Variants in LRP5 observed in about 807,000 individuals in gnomAD.
LRP5 encodes the protein low-density lipoprotein receptor-related protein 5.
Under a neutral mutation model 154.1 loss-of-function variants are expected in LRP5, and 62 were observed. The ratio of observed to expected loss-of-function variants is 0.40; its 90% CI spans 0.33 to 0.50. The LOEUF (loss-of-function observed/expected upper bound fraction) is 0.50, where lower values mean the gene tolerates loss of function less well. LRP5 is among the 20% of genes least tolerant of loss of function. The pLI is 0.55. For missense variants in LRP5, 1,915 were observed against 2,336.7 expected, an observed-to-expected ratio of 0.82 and a Z score of 3.72; for synonymous variants, 966 against 1,011.5, an observed-to-expected ratio of 0.96 and a Z score of 0.85.
At chr11:68,446,314 G>C in intron 21 of LRP5, 122 bp from the exon 22 acceptor site, 1 of 755,938 alleles carries the variant, frequency 1.3e-6, no homozygotes, top group South Asian at 1.4e-5. Context: ...CCAGAGGAAG[G>C]GGTCCTGGGA....
intron 20 of LRP5, among the ~76,000 whole-genome samples, chr11:68,438,939 A>G (rs996913769): frequency 6.6e-6 from 1 of 152,200 alleles, no homozygotes; most frequent in Admixed American, 6.5e-5. Context: ...CTTGACCTTC[A>G]TATTCTAGTA....
intron 5 of LRP5, among the ~76,000 whole-genome samples, chr11:68,374,766 C>T (rs2098636402): frequency 6.6e-6 from 1 of 152,160 alleles, no homozygotes; most frequent in African/African-American, 2.4e-5. Flanking sequence ...AATGGAACCA[C>T]GCAGCTGTGC....
Position 68,406,808 on chromosome 11 carries a change from C to G in LRP5, c.2086C>G (p.Leu696Val), listed in dbSNP as rs541165691. 18 of 1,613,808 alleles carry G rather than the reference C, an allele frequency of 1.1e-5. No homozygotes were observed. The South Asian group carries it at 2.0e-4, about 18-fold the overall frequency. ...NNHIYWTDVSLKTISRAFMNG... is the reference protein window; with the variant it reads ...NNHIYWTDVSVKTISRAFMNG... ...CCACATCTACTGGACAGACGTCAGC[C>G]TGAAGGTAGCGTGGGCCAGAACGTG... is the stretch of plus-strand genomic sequence containing the variant. Residue 696 changes from leucine (L) to valine (V), a missense_variant, in exon 9 of 23, where the codon CTG becomes GTG. Leu to Val is a conservative substitution (Grantham distance 32). This residue lies in a region of LRP5 where 773 missense variants were observed against 1,100.9 expected (regional missense o/e 0.70). Transcript: ENST00000294304.
At chr11:68,408,874 C>T (rs1035492480) in intron 9 of LRP5, among the ~76,000 whole-genome samples, 1 of 150,530 alleles carries the variant, frequency 6.6e-6, no homozygotes, top group African/African-American at 2.5e-5. Context: ...ATAGTGAGAC[C>T]CCATCTCTAC....
At chr11:68,397,972 T>TTGTTTGTGTGTGTGTGTG (rs2098650399) in intron 7 of LRP5, among the ~76,000 whole-genome samples, 4 of 142,092 alleles carry the variant, frequency 2.8e-5, no homozygotes, top group Non-Finnish European at 6.1e-5. Flanking sequence ...CTGTGTGTGT[T>TTGTTTGTGTGTGTGTGTG]TGTGTGTGTG....
intron 14 of LRP5, among the ~76,000 whole-genome samples, chr11:68,424,376 G>A (rs2098667506): frequency 6.6e-6 from 1 of 152,184 alleles, no homozygotes; most frequent in Admixed American, 6.5e-5. Flanking sequence ...ACCTTGGGCG[G>A]GTGGCATAGC....
At chr11:68,400,560 A>AAAT (rs2098652069) in intron 7 of LRP5, among the ~76,000 whole-genome samples, 5 of 147,898 alleles carry the variant, frequency 3.4e-5, no homozygotes, top group Non-Finnish European at 7.5e-5. Context: ...GTCTCTACTA[A>AAAT]AAATAAATAA....
At position 68,318,630 on chromosome 11, in the gene LRP5, C is replaced by T. The variant is rs150411830; in HGVS notation, c.91+5825C>T. ...CTGGGATTACAGACATGAGCCACTG[C>T]GCTGGGCCTTAATGTAGTTTTTCTT... On this transcript the variant is annotated intron_variant, in intron 1 of 22. Transcript: ENST00000294304. Among the ~76,000 whole-genome samples, 10 of 152,202 alleles carry T rather than the reference C, an allele frequency of 6.6e-5. 1 individual carries two copies. The South Asian group carries it at 8.3e-4, about 13-fold the overall frequency.
At chr11:68,325,603 C>T (rs1254351302) in intron 1 of LRP5, among the ~76,000 whole-genome samples, 1 of 152,198 alleles carries the variant, frequency 6.6e-6, no homozygotes, top group Non-Finnish European at 1.5e-5. Flanking sequence ...CTTCCCCTAC[C>T]CCGAGGTTTG....
chr11:68,388,780 G>C (rs2098644428), intron 6 of LRP5, among the ~76,000 whole-genome samples: 1 of 152,116 alleles, frequency 6.6e-6, no homozygotes, highest in South Asian at 2.1e-4. Flanking sequence ...TGAGCTCTTG[G>C]CCCCTGAGAG....
intron 13 of LRP5, among the ~76,000 whole-genome samples, chr11:68,420,911 A>G (rs1276513147): frequency 1.3e-5 from 2 of 152,020 alleles, no homozygotes; most frequent in Non-Finnish European, 2.9e-5. Flanking sequence ...CACTAACCAT[A>G]AGTATTTGTA....
intron 1 of LRP5, among the ~76,000 whole-genome samples, chr11:68,327,509 AC>A (rs145721734): frequency 0.022 from 3,296 of 152,272 alleles, 101 homozygotes; most frequent in African/African-American, 0.074. Context: ...CAGCATGAAA[AC>A]AATTTAACTC....
At chr11:68,309,566 G>T (rs1014407184), upstream of LRP5, among the ~76,000 whole-genome samples, 1 of 146,700 alleles carries the variant, frequency 6.8e-6, no homozygotes, top group African/African-American at 2.6e-5. Context: ...GTCTCTGGTG[G>T]CCCCTTCATA....
intron 7 of LRP5, among the ~76,000 whole-genome samples, chr11:68,401,642 G>A (rs987983912): frequency 4.6e-5 from 7 of 152,264 alleles, no homozygotes; most frequent in Admixed American, 2.0e-4. Flanking sequence ...GAGCTGAGGC[G>A]GGGCCTGGCT....
intron 5 of LRP5, among the ~76,000 whole-genome samples, chr11:68,371,845 G>A (rs770640125): frequency 1.3e-5 from 2 of 152,254 alleles, no homozygotes; most frequent in Non-Finnish European, 2.9e-5. Flanking sequence ...AGAAGGAGCG[G>A]TGCCCATGGA....
intron 2 of LRP5, among the ~76,000 whole-genome samples, chr11:68,354,945 C>A (rs1247389392): frequency 6.6e-6 from 1 of 152,202 alleles, no homozygotes; most frequent in Non-Finnish European, 1.5e-5. Flanking sequence ...GGAGCAGGGG[C>A]TTGGTGATAG....
intron 15 of LRP5, among the ~76,000 whole-genome samples, chr11:68,425,508 C>T (rs547842892): frequency 2.0e-5 from 3 of 152,316 alleles, no homozygotes; most frequent in East Asian, 1.9e-4. Context: ...AGAGGGTGAG[C>T]GAGCTGCTTG....
At chr11:68,414,279 CAG>C in intron 12 of LRP5, among the ~76,000 whole-genome samples, 1 of 152,192 alleles carries the variant, frequency 6.6e-6, no homozygotes, top group African/African-American at 2.4e-5. Context: ...AAACCAGTCA[CAG>C]GGGAAGGGTG....
chr11:68,400,608 C>T (rs1379538472), intron 7 of LRP5, among the ~76,000 whole-genome samples: 2 of 151,952 alleles, frequency 1.3e-5, no homozygotes, highest in South Asian at 2.1e-4. Context: ...GGCATGGTGG[C>T]GCCTGCCTAT....
Sources: allele counts gnomAD v4.1 joint callset (sites outside exome capture counted in the v4.1 genomes callset), GRCh38; gene constraint gnomAD v4.1.1; regional missense constraint gnomAD v4.1.1; transcripts MANE v1.5; gene names NCBI Gene and HGNC (gene_info 2026-07-23, HGNC 2026-07-21).